The following RNF220 variants were observed in gnomAD, a reference collection of about 807,000 sequenced individuals.
RNF220 encodes the protein ring finger protein 220.
A neutral mutation model predicts 67.1 loss-of-function variants in RNF220; 7 were observed. The ratio of observed to expected loss-of-function variants is 0.10; its 90% CI spans 0.06 to 0.20. RNF220 has a LOEUF of 0.20. Ranked by LOEUF, RNF220 falls within the 10% of genes least tolerant of loss-of-function variation. The probability of loss-of-function intolerance (pLI) is 1.00; values close to 1 mark genes in which losing one functional copy is unlikely to be tolerated. For synonymous variants in RNF220, 270 were observed against 283.2 expected (o/e 0.95, Z 0.47); for missense variants, 565 against 740.3 (o/e 0.76, Z 2.75).
chr1:44,505,846 T>A (rs1170859548), intron 2 of RNF220, among the ~76,000 whole-genome samples: 1 of 152,110 alleles, frequency 6.6e-6, no homozygotes, highest in Non-Finnish European at 1.5e-5. Flanking sequence ...TCTTTTTTCC[T>A]CTTTCTTCGT....
intron 5 of RNF220, chr1:44,631,630 T>A (rs1644124154): frequency 1.3e-5 from 2 of 152,520 alleles, no homozygotes; most frequent in South Asian, 4.1e-4. Context: ...CCACAGGCGA[T>A]AGGGAATTCG....
intron 2 of RNF220, among the ~76,000 whole-genome samples, chr1:44,479,408 G>A (rs925566969): frequency 3.9e-5 from 6 of 151,990 alleles, no homozygotes; most frequent in East Asian, 1.9e-4. Context: ...GAGCCACCGC[G>A]CTCGGCCAAC....
chr1:44,516,864 C>A (rs1041431577), intron 2 of RNF220, among the ~76,000 whole-genome samples: 1 of 152,160 alleles, frequency 6.6e-6, no homozygotes, highest in Non-Finnish European at 1.5e-5. Context: ...TGAAGCTCCA[C>A]ACTGCCTATT....
intron 2 of RNF220, among the ~76,000 whole-genome samples, chr1:44,586,385 G>A (rs745727043): frequency 3.3e-5 from 5 of 152,136 alleles, no homozygotes; most frequent in Admixed American, 2.0e-4. Context: ...CAAGGTCCCC[G>A]GATCAGGTCA....
intron 1 of RNF220, among the ~76,000 whole-genome samples, chr1:44,406,787 TG>T (rs954750243): frequency 1.3e-5 from 2 of 151,926 alleles, no homozygotes; most frequent in African/African-American, 2.4e-5. Flanking sequence ...ACAACAAACT[TG>T]GGCGGAGAGC....
chr1:44,616,623 C>T (rs1362312877), intron 3 of RNF220, among the ~76,000 whole-genome samples: 1 of 151,906 alleles, frequency 6.6e-6, no homozygotes, highest in Non-Finnish European at 1.5e-5. Context: ...CTGGGATTGG[C>T]CTGCCAGTGG....
intron 2 of RNF220, among the ~76,000 whole-genome samples, chr1:44,544,587 G>A (rs905611353): frequency 6.6e-6 from 1 of 152,232 alleles, no homozygotes; most frequent in African/African-American, 2.4e-5. Flanking sequence ...AAGATTGACT[G>A]AGGGCTCTAT....
intron 2 of RNF220, among the ~76,000 whole-genome samples, chr1:44,433,262 T>C (rs548009714): frequency 4.2e-4 from 64 of 152,316 alleles, no homozygotes; most frequent in Non-Finnish European, 7.4e-4. Flanking sequence ...TGTCCTTTAA[T>C]GAACATTGTC....
intron 2 of RNF220, among the ~76,000 whole-genome samples, chr1:44,527,971 AATC>A (rs1473226278): frequency 6.8e-6 from 1 of 147,400 alleles, no homozygotes; most frequent in Non-Finnish European, 1.5e-5. Flanking sequence ...AAAGGGTAAA[AATC>A]ATAGCTATGT....
chr1:44,464,624 C>A, intron 2 of RNF220, among the ~76,000 whole-genome samples: 1 of 152,142 alleles, frequency 6.6e-6, no homozygotes, highest in East Asian at 1.9e-4. Flanking sequence ...ATTTGATGAG[C>A]TAATATGCCA....
chr1:44,632,147 C>G (rs1362439409), intron 5 of RNF220, 196 bp from the exon 6 acceptor site: 2 of 1,540,692 alleles, frequency 1.3e-6, no homozygotes, highest in Non-Finnish European at 1.8e-6. Context: ...GAGCAGCGCC[C>G]GGCGGCTATG....
chr1:44,445,936 ATAG>A (rs1652037949), intron 2 of RNF220, among the ~76,000 whole-genome samples: 1 of 152,230 alleles, frequency 6.6e-6, no homozygotes, highest in Non-Finnish European at 1.5e-5. Flanking sequence ...GATATGATAA[ATAG>A]TAGTAATTGT....
At chr1:44,458,565 G>A (rs2147950714) in intron 2 of RNF220, among the ~76,000 whole-genome samples, 1 of 152,196 alleles carries the variant, frequency 6.6e-6, no homozygotes, top group South Asian at 2.1e-4. Flanking sequence ...TTCAATAAAT[G>A]TTAACTGTTT....
intron 2 of RNF220, among the ~76,000 whole-genome samples, chr1:44,438,271 C>A (rs1358236952): frequency 6.6e-6 from 1 of 151,994 alleles, no homozygotes; most frequent in African/African-American, 2.4e-5. Flanking sequence ...CAGGCACACA[C>A]CCTTACACCT....
intron 2 of RNF220, among the ~76,000 whole-genome samples, chr1:44,523,930 C>T (rs1660145791): frequency 6.6e-6 from 1 of 152,232 alleles, no homozygotes; most frequent in Non-Finnish European, 1.5e-5. Flanking sequence ...GCTTGCCTTG[C>T]TCAGGTCCCT....
At chr1:44,582,866 A>T (rs1442022719) in intron 2 of RNF220, among the ~76,000 whole-genome samples, 2 of 151,822 alleles carry the variant, frequency 1.3e-5, no homozygotes, top group African/African-American at 4.8e-5. Flanking sequence ...TCTACTAAAA[A>T]TACCAAAAAT....
intron 2 of RNF220, among the ~76,000 whole-genome samples, chr1:44,472,549 T>A (rs977778708): frequency 1.3e-5 from 2 of 152,138 alleles, no homozygotes; most frequent in East Asian, 3.9e-4. Flanking sequence ...GAATGTAGAG[T>A]CTTTTTGAAA....
chr1:44,412,325 A>G lies in RNF220; in HGVS notation c.228A>G (p.Gln76=). The G allele has an allele frequency of 6.2e-7, 1 of 1,614,186 alleles. No individual in the cohort carries two copies. The highest frequency in any genetic ancestry group is 8.5e-7 in the Non-Finnish European group (1 of 1,180,028). The part of the protein sequence containing the change: ...SYTFASMYHR[Q]GGVPGTFANR... ...CCTTTGCCTCTATGTACCATCGGCA[A>G]GGTGGGGTGCCAGGCACTTTTGCCA... The change falls in exon 2 of 15, where the codon CAA becomes CAG. Residue 76 remains glutamine, a synonymous_variant. Coordinates refer to ENST00000361799, the MANE Select transcript of RNF220 (RefSeq NM_018150.4). This position sits in a 1 kb window ranked among gnomAD's most constrained non-coding sequence, Gnocchi z 5.3.
At chr1:44,538,383 C>T (rs1661402863) in intron 2 of RNF220, among the ~76,000 whole-genome samples, 1 of 152,152 alleles carries the variant, frequency 6.6e-6, no homozygotes, top group South Asian at 2.1e-4. Flanking sequence ...CCTTAAGCTA[C>T]TCTTGTTTTT....
Sources: gnomAD v4.1 joint callset for allele counts (sites outside exome capture counted in the v4.1 genomes callset) on GRCh38, gnomAD v4.1.1 for gene constraint, Gnocchi (gnomAD v3.1) non-coding constraint, MANE v1.5 for transcripts, NCBI Gene and HGNC (gene_info 2026-07-23, HGNC 2026-07-21) for gene names.